NEK5: variants seen among roughly 807,000 people sequenced by gnomAD.
NEK5 encodes the protein serine/threonine-protein kinase Nek5.
Under a neutral mutation model 109.2 loss-of-function variants are expected in NEK5, and 88 were observed. The observed-to-expected ratio is 0.81, with a 90% CI of 0.68 to 0.96. The LOEUF (loss-of-function observed/expected upper bound fraction) is 0.96, where lower values mean the gene tolerates loss of function less well. Ranked by LOEUF, NEK5 falls within the 40% of genes least tolerant of loss-of-function variation. NEK5 has a pLI of 0.00. For missense variants in NEK5, 834 were observed against 920.7 expected, an observed-to-expected ratio of 0.91 and a Z score of 1.22; for synonymous variants, 283 against 299.9, an observed-to-expected ratio of 0.94 and a Z score of 0.58.
At chr13:52,089,977 A>G (rs1290621152) in intron 13 of NEK5, among the ~76,000 whole-genome samples, 9 of 151,998 alleles carry the variant, frequency 5.9e-5, no homozygotes, top group Admixed American at 4.6e-4. Context: ...AAAAAGAAAA[A>G]AAGAAAAGAA....
At chr13:52,064,307 T>C (rs1281266481) in intron 21 of NEK5, among the ~76,000 whole-genome samples, 6 of 117,588 alleles carry the variant, frequency 5.1e-5, no homozygotes, top group Non-Finnish European at 1.1e-4. Context: ...TACTGGGAAG[T>C]GAGGAGCCCC....
chr13:52,078,761 T>C (rs1954914247), intron 17 of NEK5, among the ~76,000 whole-genome samples: 1 of 152,214 alleles, frequency 6.6e-6, no homozygotes, highest in Admixed American at 6.5e-5. Context: ...TCAGATGACA[T>C]GACCCTGGAG....
chr13:52,052,374 C>T (rs539518621), intron 22 of NEK5, among the ~76,000 whole-genome samples: 1 of 152,266 alleles, frequency 6.6e-6, no homozygotes, highest in South Asian at 2.1e-4. Flanking sequence ...CTTCTTTGTG[C>T]ATTTAGATTG....
chr13:52,041,229 A>G (rs946163970), intron 23 of NEK5, among the ~76,000 whole-genome samples: 2 of 152,222 alleles, frequency 1.3e-5, no homozygotes, highest in African/African-American at 4.8e-5. Flanking sequence ...AGATGAAATT[A>G]TTTTTTATGG....
chr13:52,069,810 C>G (rs1185248231), intron 20 of NEK5, among the ~76,000 whole-genome samples: 2 of 152,320 alleles, frequency 1.3e-5, no homozygotes, highest in South Asian at 2.1e-4. Context: ...GCTCTGCAGC[C>G]AGCATGATCC....
chr13:52,093,395 A>G (rs186628488), intron 12 of NEK5, among the ~76,000 whole-genome samples, 160 bp from the exon 13 acceptor site: 187 of 152,246 alleles, frequency 1.2e-3, no homozygotes, highest in Non-Finnish European at 2.0e-3. Context: ...CCTCGTCTGT[A>G]CTAAAAATAC....
At chr13:52,057,117 T>G (rs977164545) in intron 22 of NEK5, among the ~76,000 whole-genome samples, 1 of 151,742 alleles carries the variant, frequency 6.6e-6, no homozygotes, top group Non-Finnish European at 1.5e-5. Context: ...AAAGGGGATA[T>G]CACCACCAAT....
intron 19 of NEK5, among the ~76,000 whole-genome samples, chr13:52,072,621 AG>A (rs1263489964): frequency 2.0e-5 from 3 of 152,230 alleles, no homozygotes; most frequent in African/African-American, 7.2e-5. Context: ...ACTCAGAAGC[AG>A]GTCCCCAGAT....
chr13:52,087,927 TC>T (rs1187217558), intron 14 of NEK5, among the ~76,000 whole-genome samples: 1 of 127,706 alleles, frequency 7.8e-6, no homozygotes, highest in East Asian at 2.4e-4. Flanking sequence ...GCCCAGCCTT[TC>T]TTTTTTTTTT....
chr13:52,074,111 G>A (rs1231774639), intron 19 of NEK5, among the ~76,000 whole-genome samples: 1 of 151,414 alleles, frequency 6.6e-6, no homozygotes, highest in Admixed American at 6.6e-5. Flanking sequence ...CTTTTCACAG[G>A]ATTGGAGAAA....
At chr13:52,116,848 T>A (rs9526836) in intron 4 of NEK5, among the ~76,000 whole-genome samples, 94,603 of 152,062 alleles carry the variant, frequency 0.62, 30,498 homozygotes, top group Non-Finnish European at 0.71. Context: ...GAATTAATTT[T>A]GTCTTAGGAA....
intron 12 of NEK5, 43 bp downstream of exon 12, chr13:52,099,700 T>C (rs373666982): frequency 8.1e-6 from 13 of 1,597,954 alleles, no homozygotes; most frequent in Admixed American, 5.2e-5. Flanking sequence ...AAAAAGCATA[T>C]ACCATAGCTA....
rs1452609464 is a variant in NEK5, at chr13:52,035,269, T to C, written c.*1679A>G. 6.6e-6 allele frequency: 1 copy of C among 152,234 alleles called. No individual in the cohort carries two copies. Among genetic ancestry groups the C allele is most frequent in the Non-Finnish European group, 1.5e-5 (1 of 68,044 alleles). The allele number at this position is 152,234 out of a possible 1,614,324, so 9.4% of individuals were successfully genotyped here. A position where few individuals can be genotyped will look rare whatever the true frequency, so the allele number is the denominator to read the frequency against. ...GGAAATAGTCACAAAAAACTGGATGTACCTCAGGTGACTCCTAAGACTTGC... is the reference window on the plus strand; with the variant it reads ...GGAAATAGTCACAAAAAACTGGATGCACCTCAGGTGACTCCTAAGACTTGC... On this transcript the variant is annotated 3_prime_UTR_variant, in exon 24 of 24. Coordinates refer to ENST00000684899, the MANE Select transcript of NEK5 (RefSeq NM_001365552.1).
intron 21 of NEK5, among the ~76,000 whole-genome samples, chr13:52,064,159 C>G (rs1954645547): frequency 6.8e-6 from 1 of 146,882 alleles, no homozygotes; most frequent in Non-Finnish European, 1.5e-5. Context: ...GGCCAGCCGC[C>G]CTGTCCGGGA....
At chr13:52,095,246 C>A (rs560035428) in intron 12 of NEK5, among the ~76,000 whole-genome samples, 18 of 152,130 alleles carry the variant, frequency 1.2e-4, no homozygotes, top group African/African-American at 4.1e-4. Context: ...TTTTTAAAAT[C>A]TTTTAAAACA....
At chr13:52,080,010 G>C (rs1311471693) in intron 17 of NEK5, among the ~76,000 whole-genome samples, 1 of 151,862 alleles carries the variant, frequency 6.6e-6, no homozygotes, top group African/African-American at 2.4e-5. Context: ...GAAGCGAGGA[G>C]ACCCTCCGCC....
At position 52,043,587 on chromosome 13, in the gene NEK5, T is replaced by TA. The variant is rs906954257; in HGVS notation, c.2229-6370dup. On this transcript the variant is annotated intron_variant, in intron 23 of 23. Transcript: ENST00000684899. Reference sequence around the variant, plus strand: ...GAAAAAGAAAAGAAAAAAAAGTGCTTAAAAAAATACATTAGTCAGAAATTT... The same window carrying TA: ...GAAAAAGAAAAGAAAAAAAAGTGCTTAAAAAAAATACATTAGTCAGAAATTT... Among the ~76,000 whole-genome samples, 4 of 149,634 alleles carry TA rather than the reference T, an allele frequency of 2.7e-5. No individual in the cohort carries two copies. In the East Asian group the frequency reaches 7.8e-4, roughly 29 times the overall value.
intron 5 of NEK5, 55 bp downstream of exon 5, chr13:52,112,213 A>G: frequency 2.2e-6 from 2 of 908,050 alleles, no homozygotes; most frequent in Non-Finnish European, 3.6e-6. Context: ...TTATAAATTT[A>G]ATTCTCCCCC....
intron 8 of NEK5, among the ~76,000 whole-genome samples, chr13:52,105,669 T>C (rs7995946): frequency 0.41 from 62,918 of 151,926 alleles, 14,964 homozygotes; most frequent in Non-Finnish European, 0.54. Context: ...AGAATTCATA[T>C]GCCCCCAGGG....
Sources: gnomAD v4.1 joint callset for allele counts (sites outside exome capture counted in the v4.1 genomes callset) on GRCh38, gnomAD v4.1.1 for gene constraint, MANE v1.5 for transcripts, NCBI Gene and HGNC (gene_info 2026-07-23, HGNC 2026-07-21) for gene names.